Variants in RTEL1 observed in about 807,000 individuals in gnomAD.
The protein encoded by RTEL1 is regulator of telomere elongation helicase 1.
In RTEL1, 86 loss-of-function variants were observed where a neutral mutation model predicts 162.2. The ratio of observed to expected loss-of-function variants is 0.53; its 90% CI spans 0.45 to 0.63. RTEL1 has a LOEUF of 0.63. Ranked by LOEUF, RTEL1 falls within the 30% of genes least tolerant of loss-of-function variation. The pLI, the probability that RTEL1 is intolerant of heterozygous loss-of-function variation, is 0.00. For missense variants in RTEL1, 1,941 were observed against 1,750.2 expected, an observed-to-expected ratio of 1.11 and a Z score of -1.95; for synonymous variants, 958 against 717.9, an observed-to-expected ratio of 1.33 and a Z score of -5.35.
Position 63,694,773 on chromosome 20 carries a change from G to A in RTEL1, c.3142G>A (p.Gly1048Arg). Residue 1048 changes from glycine (G) to arginine (R), a missense_variant, in exon 32 of 35, where the codon GGA (glycine) becomes AGA (arginine). By Grantham distance (125) the Gly-to-Arg change is moderately radical (BLOSUM62 -2). Coordinates refer to ENST00000360203, the MANE Select transcript of RTEL1 (RefSeq NM_001283009.2). The stretch of plus-strand genomic sequence containing the variant: ...TGGCAGCCAACCACAGTGGGGGTCT[G>A]GAGTGCCCAGAGCAGGGAAGCAGGG... ...DPGSQPQWGSGVPRAGKQGQH... is the reference protein window; with the variant it reads ...DPGSQPQWGSRVPRAGKQGQH... 1 of 1,611,076 alleles carries A rather than the reference G, an allele frequency of 6.2e-7. No individual in the cohort carries two copies. The highest frequency in any genetic ancestry group is 8.5e-7 in the Non-Finnish European group (1 of 1,179,186).
chr20:63,691,964 G>C, intron 28 of RTEL1, 127 bp downstream of exon 28: 1 of 679,312 alleles, frequency 1.5e-6, no homozygotes, highest in Non-Finnish European at 2.5e-6. Flanking sequence ...CTGATGTCCA[G>C]GGCAGCTGTG....
Position 63,662,632 on chromosome 20 carries a change from G to C in RTEL1, c.477+5G>C, listed in dbSNP as rs767665007. 3 of 1,613,770 alleles carry C rather than the reference G, an allele frequency of 1.9e-6. No homozygotes were observed. Among genetic ancestry groups the C allele is most frequent in the Non-Finnish European group, 2.5e-6 (3 of 1,179,864 alleles). On this transcript the variant is annotated splice_donor_5th_base_variant and intron_variant, in intron 5 of 34. Transcript: ENST00000360203. ...CAAGAGAGTAACCATCTACAGGTAGGCTCCTGGGCTCCCGCTCCGGCTCAG... is the reference window on the plus strand; with the variant it reads ...CAAGAGAGTAACCATCTACAGGTAGCCTCCTGGGCTCCCGCTCCGGCTCAG...
intron 10 of RTEL1, among the ~76,000 whole-genome samples, chr20:63,676,803 T>TGG (rs988216966): frequency 4.6e-5 from 7 of 151,656 alleles, no homozygotes; most frequent in African/African-American, 1.7e-4. Flanking sequence ...GGTGTGGTGG[T>TGG]GCATGCTTGT....
chr20:63,661,871 A>G lies in RTEL1; in HGVS notation c.323A>G (p.Lys108Arg). Residue 108 changes from lysine to arginine, a missense_variant, in exon 4 of 35, where the codon AAG becomes AGG. Lys to Arg is a conservative substitution (Grantham distance 26). Coordinates refer to ENST00000360203, the MANE Select transcript of RTEL1 (RefSeq NM_001283009.2). This position sits in a 1 kb window ranked among gnomAD's most constrained non-coding sequence, Gnocchi z 5.1. The stretch of plus-strand genomic sequence containing the variant: ...TCAGCTTGCTACACGGACATCCCAA[A>G]GATTATTTACGCCTCCAGGACCCAC... ...DPIACYTDIP[K>R]IIYASRTHSQ... is the part of the protein sequence containing the mutation. 2 of 1,613,974 alleles carry G rather than the reference A, an allele frequency of 1.2e-6. No homozygotes were observed. Among genetic ancestry groups the G allele is most frequent in the African/African-American group, 1.3e-5 (1 of 74,990 alleles).
intron 17 of RTEL1, 49 bp from the exon 18 acceptor site, chr20:63,687,888 G>T: frequency 6.2e-7 from 1 of 1,603,292 alleles, no homozygotes; most frequent in Non-Finnish European, 8.5e-7. Flanking sequence ...GAGGGCTAAA[G>T]GGGTGCTGGT....
rs754404902 is a variant in RTEL1, at chr20:63,695,491, T to C, written c.3663T>C (p.His1221=). Residue 1221 remains histidine, a synonymous_variant, in exon 34 of 35, where the codon CAT becomes CAC. Coordinates refer to ENST00000360203, the MANE Select transcript of RTEL1 (RefSeq NM_001283009.2). The part of the protein sequence containing the change: ...GPAASEWGEP[H]GRDIAGQQAT... Reference sequence around the variant, plus strand: ...CAGCATCTGAGTGGGGTGAGCCTCATGGGAGAGACATCGCTGGGCAGCAGG... The same window carrying C: ...CAGCATCTGAGTGGGGTGAGCCTCACGGGAGAGACATCGCTGGGCAGCAGG... The C allele has an allele frequency of 2.5e-6, 4 of 1,609,984 alleles. No individual in the cohort carries two copies. Among genetic ancestry groups the C allele is most frequent in the Non-Finnish European group, 2.5e-6 (3 of 1,178,600 alleles).
intron 8 of RTEL1, among the ~76,000 whole-genome samples, 184 bp downstream of exon 8, chr20:63,667,737 A>G (rs2090164452): frequency 6.6e-6 from 1 of 152,088 alleles, no homozygotes; most frequent in African/African-American, 2.4e-5. Flanking sequence ...GCCCCAGGCC[A>G]CAGGTCAGTT....
chr20:63,693,941 T>C (rs1276956631), intron 30 of RTEL1, among the ~76,000 whole-genome samples: 1 of 151,192 alleles, frequency 6.6e-6, no homozygotes, highest in African/African-American at 2.4e-5. Context: ...CCTAGACCCC[T>C]GTCCTCCCTG....
chr20:63,678,220 G>A (rs752301737), intron 11 of RTEL1, 37 bp downstream of exon 11: 1 of 1,613,344 alleles, frequency 6.2e-7, no homozygotes, highest in East Asian at 2.2e-5. Context: ...GCAGCTGGGT[G>A]GGGCCTCCTC....
chr20:63,672,310 G>T (rs572464662), intron 8 of RTEL1, among the ~76,000 whole-genome samples: 1 of 152,326 alleles, frequency 6.6e-6, no homozygotes, highest in Admixed American at 6.5e-5. Flanking sequence ...CATCGTGGCC[G>T]TCTGTCTTGC....
At chr20:63,681,013 A>G (rs2090467496) in intron 14 of RTEL1, 1 of 985,392 alleles carries the variant, frequency 1.0e-6, no homozygotes, top group African/African-American at 1.7e-5. Context: ...CCGGGCCCTC[A>G]GGCCAGGGGG....
At chr20:63,673,056 C>T (rs1360405660) in intron 9 of RTEL1, among the ~76,000 whole-genome samples, 1 of 151,996 alleles carries the variant, frequency 6.6e-6, no homozygotes, top group Non-Finnish European at 1.5e-5. Flanking sequence ...AGGATCACAC[C>T]ACTGCATTCC....
chr20:63,685,921 G>T, intron 16 of RTEL1, 49 bp downstream of exon 16: 1 of 1,547,108 alleles, frequency 6.5e-7, no homozygotes, highest in Non-Finnish European at 8.9e-7. Flanking sequence ...TGCAGTGCCC[G>T]GCACCACCAT....
chr20:63,692,573 C>T, intron 28 of RTEL1: 3 of 584,172 alleles, frequency 5.1e-6, no homozygotes, highest in South Asian at 4.1e-5. Flanking sequence ...CCATTCACTG[C>T]TCTCAGTTCC....
At chr20:63,690,723 C>T (rs2090718513) in intron 26 of RTEL1, 82 bp from the exon 27 acceptor site, 2 of 1,461,936 alleles carry the variant, frequency 1.4e-6, no homozygotes, top group African/African-American at 1.4e-5. Flanking sequence ...TGGGACTCTC[C>T]CCCAAGAGGG....
At position 63,692,876 on chromosome 20, in the gene RTEL1, C is replaced by T. The variant is rs1259740583; in HGVS notation, c.2724C>T (p.Ser908=). ...LFMVAVKQEL[S]QANFATFTQA... Reference sequence around the variant, plus strand: ...TGGTGGCCGTGAAGCAGGAGTTGAGCCAAGCCAACTTTGCCACCTTCACCC... The same window carrying T: ...TGGTGGCCGTGAAGCAGGAGTTGAGTCAAGCCAACTTTGCCACCTTCACCC... The change falls in exon 29 of 35, where the codon AGC becomes AGT. Residue 908 remains serine, a synonymous_variant. Coordinates refer to ENST00000360203, the MANE Select transcript of RTEL1 (RefSeq NM_001283009.2). The T allele has an allele frequency of 6.2e-7, 1 of 1,612,640 alleles. No individual in the cohort carries two copies. Among genetic ancestry groups the T allele is most frequent in the Admixed American group, 1.7e-5 (1 of 60,010 alleles).
intron 26 of RTEL1, 31 bp downstream of exon 26, chr20:63,690,472 T>TGGG: frequency 1.9e-6 from 1 of 522,102 alleles, no homozygotes. Context: ...GTGGGCGGTG[T>TGGG]GGGGGTGGCG....
chr20:63,680,649 C>G lies in RTEL1; in HGVS notation c.1136-15C>G. On this transcript the variant is annotated splice_polypyrimidine_tract_variant and intron_variant, in intron 13 of 34. Coordinates refer to ENST00000360203, the MANE Select transcript of RTEL1 (RefSeq NM_001283009.2). ...CTGCCTGCAGTGTGGGTGTCAGCGC[C>G]CTGCTGCCCTCCAGGTGCTGGAGTG... 1 of 1,612,840 alleles carries G rather than the reference C, an allele frequency of 6.2e-7. No homozygotes were observed. The highest frequency in any genetic ancestry group is 2.2e-5 in the East Asian group (1 of 44,866).
In RTEL1 at chr20:63,689,860, C is replaced by G; in HGVS notation, c.2136C>G (p.Asp712Glu). The G allele has an allele frequency of 6.2e-7, 1 of 1,608,266 alleles. No individual in the cohort carries two copies. Among genetic ancestry groups the G allele is most frequent in the Non-Finnish European group, 8.5e-7 (1 of 1,179,366 alleles). ...RQDYGAVFLC[D>E]HRFAFADARA... ...ACTACGGAGCTGTCTTCCTCTGTGA[C>G]CACAGGTGCGTGCAGTCCGGTGGCA... Residue 712 changes from aspartate (D) to glutamate (E), a missense_variant, in exon 24 of 35, where the codon GAC becomes GAG. Coordinates refer to ENST00000360203, the MANE Select transcript of RTEL1 (RefSeq NM_001283009.2).
Sources: allele counts gnomAD v4.1 joint callset (sites outside exome capture counted in the v4.1 genomes callset), GRCh38; gene constraint gnomAD v4.1.1; non-coding constraint Gnocchi (gnomAD v3.1); transcripts MANE v1.5; gene names NCBI Gene and HGNC (gene_info 2026-07-23, HGNC 2026-07-21).